The following STK3 variants were observed in gnomAD, a reference collection of about 807,000 sequenced individuals.
STK3 encodes the protein serine/threonine-protein kinase 3.
A neutral mutation model predicts 58.0 loss-of-function variants in STK3; 41 were observed. That is an observed-to-expected ratio of 0.71 (90% CI 0.55 to 0.92). STK3 has a LOEUF of 0.92. Among genes scored for constraint, STK3 ranks in the 40% least tolerant of loss-of-function variants. The probability of loss-of-function intolerance (pLI) is 0.00; values close to 1 mark genes in which losing one functional copy is unlikely to be tolerated. For missense variants in STK3, 479 were observed against 602.7 expected (o/e 0.79, Z 2.15); for synonymous variants, 170 against 191.0 (o/e 0.89, Z 0.91).
At chr8:98,691,162 T>G (rs1824377776) in intron 6 of STK3, among the ~76,000 whole-genome samples, 1 of 152,152 alleles carries the variant, frequency 6.6e-6, no homozygotes, top group Non-Finnish European at 1.5e-5. Context: ...CTCAGTACCA[T>G]GCAATATACC....
intron 6 of STK3, among the ~76,000 whole-genome samples, chr8:98,650,501 T>A (rs979214647): frequency 2.0e-5 from 3 of 151,976 alleles, no homozygotes; most frequent in Admixed American, 6.6e-5. Flanking sequence ...GGACAGGGGG[T>A]GCAGCGCACC....
intron 4 of STK3, 145 bp from the exon 5 acceptor site, chr8:98,707,456 G>T: frequency 3.3e-6 from 2 of 612,252 alleles, no homozygotes; most frequent in Non-Finnish European, 5.3e-6. Flanking sequence ...AGGCTACAGT[G>T]CAGTGGTGTG....
rs1020400007 is a variant in STK3, at chr8:98,656,326, G to A, written c.684+50141C>T. Among the ~76,000 whole-genome samples the A allele has an allele frequency of 1.8e-4, 28 of 152,080 alleles. 1 individual carries two copies. Among genetic ancestry groups the A allele is most frequent in the South Asian group, 6.3e-4 (3 of 4,800 alleles). On this transcript the variant is annotated intron_variant, in intron 6 of 10. Coordinates refer to ENST00000419617, the MANE Select transcript of STK3 (RefSeq NM_006281.4). ...CAGGAAGGGGAACATCACACTCTGG[G>A]GACTGTTGTGGGGTGGGAGGTGGGG... is the stretch of plus-strand genomic sequence containing the variant.
chr8:98,569,212 T>C (rs1016870470), intron 8 of STK3, among the ~76,000 whole-genome samples: 1 of 151,956 alleles, frequency 6.6e-6, no homozygotes, highest in African/African-American at 2.4e-5. Flanking sequence ...TAAGGGTAAA[T>C]GTACAATAAA....
intron 6 of STK3, among the ~76,000 whole-genome samples, chr8:98,687,237 G>A (rs773692209): frequency 9.9e-5 from 15 of 152,146 alleles, no homozygotes; most frequent in East Asian, 5.8e-4. Flanking sequence ...GCAAGGAACC[G>A]GTTTCGTGGA....
At chr8:98,661,349 A>G (rs953900686) in intron 6 of STK3, among the ~76,000 whole-genome samples, 6 of 152,078 alleles carry the variant, frequency 3.9e-5, no homozygotes, top group Non-Finnish European at 8.8e-5. Context: ...ATTTAGCTCA[A>G]TGAAGTTTTA....
At chr8:98,385,258 TC>T (rs1817779425) in intron 1 of STK3, among the ~76,000 whole-genome samples, 1 of 141,560 alleles carries the variant, frequency 7.1e-6, no homozygotes, top group African/African-American at 2.8e-5. Flanking sequence ...TGAGTGGGGG[TC>T]GGGGGGAGGT....
intron 3 of STK3, chr8:98,430,593 C>T (rs1334757965): frequency 1.2e-5 from 2 of 166,878 alleles, no homozygotes; most frequent in Non-Finnish European, 2.9e-5. Context: ...CTGTGATTGC[C>T]CTGGAGTTCC....
chr8:98,473,262 G>T (rs1025872328), intron 10 of STK3, among the ~76,000 whole-genome samples: 1 of 151,962 alleles, frequency 6.6e-6, no homozygotes, highest in South Asian at 2.1e-4. Flanking sequence ...TAATGAATTC[G>T]CATACCTGCC....
chr8:98,753,908 T>C (rs998733128), intron 3 of STK3, among the ~76,000 whole-genome samples: 4 of 152,200 alleles, frequency 2.6e-5, no homozygotes, highest in African/African-American at 9.7e-5. Context: ...TAGTCTATGC[T>C]ACATACAGTT....
At chr8:98,469,866 C>T (rs1244393957) in intron 10 of STK3, among the ~76,000 whole-genome samples, 2 of 152,162 alleles carry the variant, frequency 1.3e-5, no homozygotes, top group Non-Finnish European at 2.9e-5. Flanking sequence ...ATTCAATGTG[C>T]TCTTGAGGAA....
intron 3 of STK3, among the ~76,000 whole-genome samples, chr8:98,855,847 C>T (rs1024397426): frequency 2.0e-5 from 3 of 151,840 alleles, no homozygotes; most frequent in Non-Finnish European, 2.9e-5. Flanking sequence ...ATGATGAAAC[C>T]CCATCTCTAT....
At chr8:98,364,542 C>T in the STK3 span, among the ~76,000 whole-genome samples, 1 of 152,250 alleles carries the variant, frequency 6.6e-6, no homozygotes, top group South Asian at 2.1e-4. Flanking sequence ...TGTCCAAGGG[C>T]AGCATGCCCC....
chr8:98,807,172 G>T (rs1056383504), intron 1 of STK3, among the ~76,000 whole-genome samples: 3 of 145,678 alleles, frequency 2.1e-5, no homozygotes, highest in African/African-American at 7.9e-5. Context: ...AAAAAAAAAA[G>T]GATTAGGTAG....
chr8:98,450,039 C>G (rs573996526), downstream of STK3, among the ~76,000 whole-genome samples: 1 of 152,290 alleles, frequency 6.6e-6, no homozygotes, highest in Admixed American at 6.5e-5. Flanking sequence ...ATTACCCAGT[C>G]TCAGGTATTC....
At chr8:98,569,850 T>A (rs1468049877) in intron 8 of STK3, among the ~76,000 whole-genome samples, 1 of 151,072 alleles carries the variant, frequency 6.6e-6, no homozygotes, top group Admixed American at 6.6e-5. Flanking sequence ...ATTTACTTTT[T>A]ACCATGTAAA....
chr8:98,503,495 G>C lies in STK3; in HGVS notation c.1317+23247C>G, dbSNP rs79197045. On this transcript the variant is annotated intron_variant, in intron 10 of 10. Coordinates refer to ENST00000419617, the MANE Select transcript of STK3 (RefSeq NM_006281.4). ...TCTAGTTCTTTTAATTGTGATGTTA[G>C]GGTGTTGATTTTAGATCGTTCCTGC... Among the ~76,000 whole-genome samples, 5 of 152,202 alleles carry C rather than the reference G, an allele frequency of 3.3e-5. No homozygotes were observed. In the South Asian group the frequency reaches 1.0e-3, roughly 32 times the overall value.
chr8:98,769,507 G>A (rs1211679170), intron 2 of STK3, among the ~76,000 whole-genome samples: 1 of 152,186 alleles, frequency 6.6e-6, no homozygotes, highest in Non-Finnish European at 1.5e-5. Flanking sequence ...CCCTACCCAC[G>A]TGGAACTATA....
At chr8:98,680,511 C>T (rs985171490) in intron 6 of STK3, among the ~76,000 whole-genome samples, 6 of 152,190 alleles carry the variant, frequency 3.9e-5, no homozygotes, top group African/African-American at 1.4e-4. Flanking sequence ...CTCTACCACA[C>T]CGCAGCAGCA....
Sources: allele counts gnomAD v4.1 joint callset (sites outside exome capture counted in the v4.1 genomes callset), GRCh38; gene constraint gnomAD v4.1.1; transcripts MANE v1.5; gene names NCBI Gene and HGNC (gene_info 2026-07-23, HGNC 2026-07-21).